TRABD2B: variants seen among roughly 807,000 people sequenced by gnomAD.
TRABD2B encodes the protein TraB domain containing 2B.
Under a neutral mutation model 40.1 loss-of-function variants are expected in TRABD2B, and 14 were observed. The ratio of observed to expected loss-of-function variants is 0.35; its 90% CI spans 0.23 to 0.55. TRABD2B has a LOEUF of 0.55. Among genes scored for constraint, TRABD2B ranks in the 20% least tolerant of loss-of-function variants. The probability of loss-of-function intolerance (pLI) is 0.90; values close to 1 mark genes in which losing one functional copy is unlikely to be tolerated. For missense variants in TRABD2B, 541 were observed against 648.6 expected (o/e 0.83, Z 1.80); for synonymous variants, 263 against 277.0 (o/e 0.95, Z 0.50).
At chr1:47,990,771 T>TTATATATATATATA (rs55649435) in intron 2 of TRABD2B, among the ~76,000 whole-genome samples, 1 of 36,556 alleles carries the variant, frequency 2.7e-5, no homozygotes, top group Non-Finnish European at 5.2e-5. Context: ...AACGTTGGTT[T>TTATATATATATATA]TATATATATA....
chr1:47,880,757 T>C (rs1298667450), intron 2 of TRABD2B, among the ~76,000 whole-genome samples: 2 of 152,240 alleles, frequency 1.3e-5, no homozygotes, highest in African/African-American at 4.8e-5. Flanking sequence ...TAACCAATTC[T>C]GGGATCCAGT....
chr1:47,962,763 C>A (rs1645540475), intron 2 of TRABD2B, among the ~76,000 whole-genome samples: 2 of 152,206 alleles, frequency 1.3e-5, no homozygotes, highest in African/African-American at 4.8e-5. Flanking sequence ...AGTGTATGCT[C>A]TATACCTCTC....
At chr1:47,863,738 A>C (rs1644012800) in intron 2 of TRABD2B, among the ~76,000 whole-genome samples, 1 of 152,102 alleles carries the variant, frequency 6.6e-6, no homozygotes, top group Admixed American at 6.5e-5. Flanking sequence ...CAGCAATCAT[A>C]CTCCTTGGTA....
intron 2 of TRABD2B, among the ~76,000 whole-genome samples, chr1:47,989,740 C>T (rs1570425826): frequency 6.7e-6 from 1 of 148,648 alleles, no homozygotes; most frequent in African/African-American, 2.5e-5. Flanking sequence ...GATGGTCTAC[C>T]ACCATTCCAA....
intron 2 of TRABD2B, among the ~76,000 whole-genome samples, chr1:47,845,947 C>G (rs11211616): frequency 0.37 from 55,578 of 152,036 alleles, 10,403 homozygotes; most frequent in Admixed American, 0.42. Flanking sequence ...ACACACAGTA[C>G]GTTTCCTCTT....
At chr1:47,786,932 T>G (rs1263985727) in intron 4 of TRABD2B, among the ~76,000 whole-genome samples, 4 of 152,178 alleles carry the variant, frequency 2.6e-5, no homozygotes, top group Non-Finnish European at 5.9e-5. Context: ...CTCAAACTCC[T>G]GGCTTCAGGT....
intron 4 of TRABD2B, among the ~76,000 whole-genome samples, chr1:47,787,860 G>A (rs980501480): frequency 1.3e-5 from 2 of 152,164 alleles, no homozygotes; most frequent in Non-Finnish European, 2.9e-5. Context: ...TAGACTGGGA[G>A]CATGAGAGAG....
At chr1:47,979,382 A>G (rs1267382207) in intron 2 of TRABD2B, among the ~76,000 whole-genome samples, 19 of 152,264 alleles carry the variant, frequency 1.2e-4, no homozygotes, top group Non-Finnish European at 4.4e-5. Context: ...ACATGTGAAC[A>G]TATAAAAGAC....
intron 2 of TRABD2B, among the ~76,000 whole-genome samples, chr1:47,969,494 T>G (rs1645650453): frequency 1.3e-5 from 2 of 152,254 alleles, no homozygotes; most frequent in South Asian, 4.1e-4. Context: ...GACCTTTCAG[T>G]GATCATTTCA....
chr1:47,871,296 C>T (rs1381354565), intron 2 of TRABD2B, among the ~76,000 whole-genome samples: 2 of 152,096 alleles, frequency 1.3e-5, no homozygotes, highest in Non-Finnish European at 2.9e-5. Flanking sequence ...CAGCATACGC[C>T]GTCAGTGTGG....
At chr1:47,783,366 A>ACTC (rs1421885585) in intron 4 of TRABD2B, among the ~76,000 whole-genome samples, 1 of 150,812 alleles carries the variant, frequency 6.6e-6, no homozygotes, top group Non-Finnish European at 1.5e-5. Context: ...GAGAGAGGGA[A>ACTC]CTCAGAAATG....
chr1:47,793,959 A>C (rs1185664826), intron 4 of TRABD2B, among the ~76,000 whole-genome samples: 1 of 152,234 alleles, frequency 6.6e-6, no homozygotes, highest in Non-Finnish European at 1.5e-5. Context: ...ACTTATACTC[A>C]GTATCATCAT....
At position 47,895,693 on chromosome 1, in the gene TRABD2B, A is replaced by C. The variant is rs59444845; in HGVS notation, c.667-94074T>G. Among the ~76,000 whole-genome samples, 1,284 of 152,284 alleles carry C rather than the reference A, an allele frequency of 8.4e-3. 18 individuals carry two copies. Among genetic ancestry groups the C allele is most frequent in the African/African-American group, 0.029 (1,203 of 41,550 alleles). ...CTCATTTATTTTCAACATCCACTCTAGGGAGGTTGGATTAAAAGTCTCCTG... is the reference window on the plus strand; with the variant it reads ...CTCATTTATTTTCAACATCCACTCTCGGGAGGTTGGATTAAAAGTCTCCTG... On this transcript the variant is annotated intron_variant, in intron 2 of 6. Coordinates refer to ENST00000606738, the MANE Select transcript of TRABD2B (RefSeq NM_001194986.2).
Position 47,834,316 on chromosome 1 carries a change from C to G in TRABD2B, c.667-32697G>C, listed in dbSNP as rs1312172494. On this transcript the variant is annotated intron_variant, in intron 2 of 6. Transcript: ENST00000606738. ...ATCATACAAGAGACTAACCAAAAAGCTTTAAAGGAAAAGCTAGGAAATAAG... is the reference window on the plus strand; with the variant it reads ...ATCATACAAGAGACTAACCAAAAAGGTTTAAAGGAAAAGCTAGGAAATAAG... Among the ~76,000 whole-genome samples, 5 of 152,180 alleles carry G rather than the reference C, an allele frequency of 3.3e-5. No individual in the cohort carries two copies. In the South Asian group the frequency reaches 8.3e-4, roughly 25 times the overall value.
At chr1:47,819,784 G>A (rs1446717332) in intron 2 of TRABD2B, 3 of 152,120 alleles carry the variant, frequency 2.0e-5, no homozygotes, top group Middle Eastern at 3.2e-3. Context: ...GCACGTATTC[G>A]GGCTGAACCC....
At chr1:47,820,468 GA>G (rs1455885090) in intron 2 of TRABD2B, among the ~76,000 whole-genome samples, 1 of 152,202 alleles carries the variant, frequency 6.6e-6, no homozygotes, top group African/African-American at 2.4e-5. Context: ...CAGACCGTGG[GA>G]TATGCCTGGG....
chr1:47,882,315 C>T (rs879542708), intron 2 of TRABD2B, among the ~76,000 whole-genome samples: 5 of 152,200 alleles, frequency 3.3e-5, no homozygotes, highest in African/African-American at 1.2e-4. Context: ...TGATCTCGTC[C>T]GTTCTGCCAC....
rs1465087027 is a variant in TRABD2B, at chr1:47,762,014, T to C, written c.*3888A>G. ...CCGAGAGGAGCAGATACACACTAGA[T>C]AGTCACAACACTGGGCAGTGGGTAT... On this transcript the variant is annotated 3_prime_UTR_variant, in exon 7 of 7. Coordinates refer to ENST00000606738, the MANE Select transcript of TRABD2B (RefSeq NM_001194986.2). 1 of 151,822 alleles carries C rather than the reference T, an allele frequency of 6.6e-6. No individual in the cohort carries two copies. Among genetic ancestry groups the C allele is most frequent in the African/African-American group, 2.4e-5 (1 of 41,288 alleles). The allele number at this position is 151,822 out of a possible 1,614,324, so 9.4% of individuals were successfully genotyped here.
At chr1:47,768,984 CCT>C (rs1644344234) in intron 6 of TRABD2B, among the ~76,000 whole-genome samples, 1 of 152,188 alleles carries the variant, frequency 6.6e-6, no homozygotes, top group African/African-American at 2.4e-5. Context: ...TGAGCAAACC[CCT>C]GATGGAGAGC....
Sources: gnomAD v4.1 joint callset for allele counts (sites outside exome capture counted in the v4.1 genomes callset) on GRCh38, gnomAD v4.1.1 for gene constraint, MANE v1.5 for transcripts, NCBI Gene and HGNC (gene_info 2026-07-23, HGNC 2026-07-21) for gene names.